The following SMCO4 variants were observed in gnomAD, a reference collection of about 807,000 sequenced individuals.
The protein encoded by SMCO4 is single-pass membrane protein with coiled-coil domains 4, also known as single-pass membrane and coiled-coil domain-containing protein 4.
A neutral mutation model predicts 3.6 loss-of-function variants in SMCO4; 4 were observed. That is an observed-to-expected ratio of 1.11 (90% CI 0.54 to 2.53). The LOEUF is 2.53. Ranked by LOEUF, SMCO4 falls within the 30% of genes most tolerant of loss-of-function variation. SMCO4 has a pLI of 0.02. For missense variants in SMCO4, 70 were observed against 80.8 expected (o/e 0.87, Z 0.51); for synonymous variants, 36 against 35.3 (o/e 1.02, Z -0.07).
intron 1 of SMCO4, among the ~76,000 whole-genome samples, chr11:93,514,559 G>A (rs1281019611): frequency 6.6e-6 from 1 of 151,226 alleles, no homozygotes; most frequent in Non-Finnish European, 1.5e-5. Flanking sequence ...AACCCCAGCT[G>A]CCTCACGTAT....
intron 1 of SMCO4, chr11:93,523,315 CA>C (rs983366471): frequency 4.0e-5 from 6 of 149,674 alleles, no homozygotes; most frequent in South Asian, 2.1e-4. Flanking sequence ...GACCCTGTCT[CA>C]AAAAAAACAA....
the SMCO4 span, among the ~76,000 whole-genome samples, chr11:93,553,188 A>G: frequency 6.6e-6 from 1 of 152,200 alleles, no homozygotes; most frequent in Non-Finnish European, 1.5e-5. Flanking sequence ...CTAAAACTGA[A>G]GTTCTTAATC....
At chr11:93,543,840 G>A (rs1565393641), upstream of SMCO4, among the ~76,000 whole-genome samples, 1 of 152,238 alleles carries the variant, frequency 6.6e-6, no homozygotes, top group Non-Finnish European at 1.5e-5. Context: ...CAAACGAGTA[G>A]ATGAATGAGT....
At chr11:93,484,505 T>G (rs1365809458) in intron 2 of SMCO4, among the ~76,000 whole-genome samples, 2 of 152,114 alleles carry the variant, frequency 1.3e-5, no homozygotes, top group Non-Finnish European at 2.9e-5. Context: ...ACTCTCCTCC[T>G]CTGTAAAATG....
intron 1 of SMCO4, among the ~76,000 whole-genome samples, chr11:93,511,288 C>T (rs544977682): frequency 1.6e-4 from 24 of 152,276 alleles, no homozygotes; most frequent in Middle Eastern, 3.4e-3. Context: ...GCTAATCAAA[C>T]ACCCAGTTAG....
At chr11:93,506,557 G>A (rs1209837692) in intron 1 of SMCO4, among the ~76,000 whole-genome samples, 2 of 151,642 alleles carry the variant, frequency 1.3e-5, no homozygotes, top group Admixed American at 6.6e-5. Flanking sequence ...TCCTGCCTCA[G>A]CCTCCAGAGT....
At chr11:93,506,044 T>C (rs949624411) in intron 1 of SMCO4, among the ~76,000 whole-genome samples, 5 of 152,106 alleles carry the variant, frequency 3.3e-5, no homozygotes, top group African/African-American at 1.2e-4. Flanking sequence ...ATGCTGAATA[T>C]ACACACGTGT....
chr11:93,484,784 G>A (rs1948629509), intron 2 of SMCO4, among the ~76,000 whole-genome samples: 1 of 150,450 alleles, frequency 6.6e-6, no homozygotes, highest in Admixed American at 6.7e-5. Flanking sequence ...GGGCAGGTTT[G>A]TTCAAAGGTT....
chr11:93,529,069 A>T (rs753483512), intron 1 of SMCO4, among the ~76,000 whole-genome samples: 2 of 152,184 alleles, frequency 1.3e-5, no homozygotes, highest in Non-Finnish European at 2.9e-5. Flanking sequence ...TGTTCTAACT[A>T]TAACAAGGAA....
intron 2 of SMCO4, among the ~76,000 whole-genome samples, chr11:93,485,830 T>A (rs1167535550): frequency 1.3e-5 from 2 of 152,238 alleles, no homozygotes; most frequent in Non-Finnish European, 2.9e-5. Flanking sequence ...ACTTATTTCA[T>A]TCCCACCACA....
chr11:93,488,667 T>A (rs1168969083), intron 2 of SMCO4, among the ~76,000 whole-genome samples: 1 of 152,006 alleles, frequency 6.6e-6, no homozygotes, highest in African/African-American at 2.4e-5. Flanking sequence ...CAGCTGGAGT[T>A]TGACAATCTA....
intron 1 of SMCO4, chr11:93,535,635 T>C (rs1487655662): frequency 2.6e-5 from 41 of 1,592,412 alleles, no homozygotes; most frequent in Non-Finnish European, 3.2e-5. Context: ...ACAACAAGTG[T>C]CTGTTAAGAG....
intron 1 of SMCO4, among the ~76,000 whole-genome samples, chr11:93,506,433 C>A (rs930585189): frequency 6.6e-6 from 1 of 150,946 alleles, no homozygotes; most frequent in African/African-American, 2.4e-5. Context: ...TACTGCCACA[C>A]ACACAGCTTT....
rs148185593 is a variant in SMCO4 at position 93,541,718 on chromosome 11, C to A, written c.-154+1558G>T. Among the ~76,000 whole-genome samples the A allele has an allele frequency of 2.8e-3, 428 of 152,304 alleles. 1 individual carries two copies. Among genetic ancestry groups the A allele is most frequent in the Non-Finnish European group, 4.7e-3 (320 of 68,028 alleles). On this transcript the variant is annotated intron_variant, in intron 1 of 2. Transcript: ENST00000298966. ...TAAGAACAGTATTCATGTTGTAAATCGAGTACCAACTACTATTAGTTTTTT... is the reference window on the plus strand; with the variant it reads ...TAAGAACAGTATTCATGTTGTAAATAGAGTACCAACTACTATTAGTTTTTT...
chr11:93,509,899 A>C (rs549183508), intron 1 of SMCO4, among the ~76,000 whole-genome samples: 1 of 152,334 alleles, frequency 6.6e-6, no homozygotes, highest in Non-Finnish European at 1.5e-5. Context: ...TCAGTGCACC[A>C]AAATCTCAGA....
the SMCO4 span, among the ~76,000 whole-genome samples, chr11:93,551,000 A>T: frequency 6.6e-6 from 1 of 152,208 alleles, no homozygotes; most frequent in Non-Finnish European, 1.5e-5. Flanking sequence ...ATCAGAAAGC[A>T]ATGAGAACGT....
chr11:93,490,087 A>AC (rs1365574071), intron 2 of SMCO4, among the ~76,000 whole-genome samples: 1 of 152,234 alleles, frequency 6.6e-6, no homozygotes. Context: ...CCTTTTAAGG[A>AC]CAGGCCCTAA....
At chr11:93,508,776 G>A (rs910171618) in intron 1 of SMCO4, among the ~76,000 whole-genome samples, 1 of 152,096 alleles carries the variant, frequency 6.6e-6, no homozygotes, top group Non-Finnish European at 1.5e-5. Context: ...AGTGAGGAGA[G>A]AAAATTGGTT....
intron 2 of SMCO4, among the ~76,000 whole-genome samples, chr11:93,497,261 G>A (rs1051384581): frequency 1.4e-4 from 22 of 152,200 alleles, no homozygotes; most frequent in African/African-American, 4.8e-4. Context: ...GTGCTCTGCT[G>A]CCTTGACTGA....
Sources: allele counts gnomAD v4.1 joint callset (sites outside exome capture counted in the v4.1 genomes callset), GRCh38; gene constraint gnomAD v4.1.1; transcripts MANE v1.5; gene names NCBI Gene and HGNC (gene_info 2026-07-23, HGNC 2026-07-21).